Variants in DNAH12 observed in about 807,000 individuals in gnomAD.
DNAH12 encodes the protein axonemal beta dynein heavy chain 12.
DNAH12 carries 285 observed loss-of-function variants against 371.5 expected under a neutral mutation model. That is an observed-to-expected ratio of 0.77 (90% CI 0.70 to 0.85). The LOEUF (loss-of-function observed/expected upper bound fraction) is 0.85. DNAH12 is among the 40% of genes least tolerant of loss of function. DNAH12 has a pLI of 0.00. For synonymous variants in DNAH12, 1,200 were observed against 1,213.0 expected (o/e 0.99, Z 0.22); for missense variants, 3,611 against 3,689.4 (o/e 0.98, Z 0.55).
In DNAH12 at chr3:57,468,923, T is replaced by G; in HGVS notation, c.2162A>C (p.Glu721Ala). ...LNGESMEADVEEFSREIFKTL... is the reference protein window; with the variant it reads ...LNGESMEADVAEFSREIFKTL... Reference sequence around the variant, plus strand: ...CTTAAAAATTTCTCGGGAAAACTCTTCCACATCAGCCTCCATGCTTTCCCC... The same window carrying G: ...CTTAAAAATTTCTCGGGAAAACTCTGCCACATCAGCCTCCATGCTTTCCCC... The change falls in exon 17 of 74, where the codon GAA becomes GCA. Residue 721 changes from glutamate (E) to alanine (A), a missense_variant. By Grantham distance (107) the Glu-to-Ala change is moderately radical. Around this residue, in one of 3 missense-constraint regions of DNAH12, gnomAD observed 1,314 missense variants for 1,398.7 expected, o/e 0.94. Transcript: ENST00000495027. 6.6e-7 allele frequency: 1 copy of G among 1,521,356 alleles called. No homozygotes were observed. Among genetic ancestry groups the G allele is most frequent in the Non-Finnish European group, 8.8e-7 (1 of 1,138,152 alleles). 94.2% of individuals were successfully genotyped at this position (1,521,356 alleles called of 1,614,324 possible).
chr3:57,323,986 G>A (rs1199947216), intron 62 of DNAH12, among the ~76,000 whole-genome samples: 1 of 152,146 alleles, frequency 6.6e-6, no homozygotes, highest in Non-Finnish European at 1.5e-5. Context: ...CAGGTAATGT[G>A]GCCATGTGAC....
In DNAH12 at chr3:57,419,376, G is replaced by A. The variant is rs1298797153; in HGVS notation, c.5705C>T (p.Thr1902Ile). 3.3e-6 allele frequency: 5 copies of A among 1,498,422 alleles called. No individual in the cohort carries two copies. The highest frequency in any genetic ancestry group is 2.6e-5 in the Admixed American group (1 of 38,964). 92.8% of individuals were successfully genotyped at this position (1,498,422 alleles called of 1,614,324 possible). A position where few individuals can be genotyped will look rare whatever the true frequency, so the allele number is the denominator to read the frequency against. Residue 1902 changes from threonine (T) to isoleucine (I), a missense_variant, in exon 37 of 74, where the codon ACC becomes ATC. Physicochemically the swap from Thr to Ile is moderately conservative, Grantham distance 89. Transcript: ENST00000495027. ...TAGCAGAGTTCCTTACTTTGCATAG[G>A]TAATACTCAAATCCATTAGAAACGT... is the stretch of plus-strand genomic sequence containing the variant. ...RYTFLMDLSI[T>I]YAKPLLFVGP... is the part of the protein sequence containing the mutation.
chr3:57,334,978 A>T, intron 60 of DNAH12, 38 bp from the exon 61 acceptor site: 1 of 1,514,056 alleles, frequency 6.6e-7, no homozygotes, highest in Non-Finnish European at 8.8e-7. Context: ...ATAATTGTTG[A>T]TTTTAAAATT....
intron 43 of DNAH12, among the ~76,000 whole-genome samples, chr3:57,398,196 C>T (rs1004549112): frequency 6.6e-6 from 1 of 152,002 alleles, no homozygotes; most frequent in African/African-American, 2.4e-5. Flanking sequence ...CAAGAGTCAA[C>T]CAACTTGAAA....
intron 2 of DNAH12, among the ~76,000 whole-genome samples, chr3:57,530,100 C>T (rs983808022): frequency 1.3e-5 from 2 of 151,996 alleles, no homozygotes; most frequent in South Asian, 2.1e-4. Context: ...AGAGAAGGTG[C>T]TTGATATTAT....
At chr3:57,349,863 T>C (rs552010576) in intron 60 of DNAH12, among the ~76,000 whole-genome samples, 3 of 152,268 alleles carry the variant, frequency 2.0e-5, no homozygotes, top group South Asian at 2.1e-4. Flanking sequence ...AATTTTTTTG[T>C]ATTTTTAGTA....
upstream of DNAH12, among the ~76,000 whole-genome samples, chr3:57,548,301 G>A (rs2069594413): frequency 6.6e-6 from 1 of 152,120 alleles, no homozygotes; most frequent in Non-Finnish European, 1.5e-5. Flanking sequence ...TAGGCTTCCA[G>A]GGGCCATTCT....
intron 29 of DNAH12, among the ~76,000 whole-genome samples, chr3:57,441,790 T>TA (rs1320643560): frequency 2.0e-5 from 3 of 151,622 alleles, no homozygotes; most frequent in Admixed American, 6.6e-5. Flanking sequence ...ACCCTGTCTC[T>TA]AAAAAAAGAA....
intron 52 of DNAH12, among the ~76,000 whole-genome samples, chr3:57,378,107 G>A (rs1407149878): frequency 6.6e-6 from 1 of 152,146 alleles, no homozygotes; most frequent in African/African-American, 2.4e-5. Context: ...TTCTGCTTCT[G>A]ACTTCAGAGA....
intron 25 of DNAH12, among the ~76,000 whole-genome samples, chr3:57,447,495 A>G (rs1023996597): frequency 1.3e-5 from 2 of 152,328 alleles, no homozygotes; most frequent in South Asian, 4.1e-4. Flanking sequence ...TAGGGGGAAT[A>G]AGTGAACTCT....
At chr3:57,315,006 A>T (rs1407281858) in intron 65 of DNAH12, among the ~76,000 whole-genome samples, 2 of 152,204 alleles carry the variant, frequency 1.3e-5, no homozygotes, top group African/African-American at 4.8e-5. Flanking sequence ...CAGGGGAATG[A>T]TTAACCATTA....
intron 42 of DNAH12, 53 bp from the exon 43 acceptor site, chr3:57,403,554 T>C (rs2063934554): frequency 4.9e-6 from 7 of 1,421,656 alleles, no homozygotes; most frequent in Non-Finnish European, 6.6e-6. Context: ...TGTAAATGTA[T>C]AGTTACATGT....
At chr3:57,357,917 G>A (rs1689549618) in intron 58 of DNAH12, among the ~76,000 whole-genome samples, 1 of 152,168 alleles carries the variant, frequency 6.6e-6, no homozygotes, top group African/African-American at 2.4e-5. Flanking sequence ...CTTCTCATAT[G>A]TTTAATTTTC....
At chr3:57,407,837 G>A (rs1217785978) in intron 40 of DNAH12, among the ~76,000 whole-genome samples, 2 of 151,946 alleles carry the variant, frequency 1.3e-5, no homozygotes, top group Non-Finnish European at 2.9e-5. Context: ...TATGTGGTCT[G>A]ACTAAAAGTA....
intron 66 of DNAH12, 28 bp downstream of exon 66, chr3:57,314,466 A>C: frequency 6.4e-7 from 1 of 1,550,622 alleles, no homozygotes; most frequent in Non-Finnish European, 8.7e-7. Context: ...GTGATCCTTC[A>C]TGAATGTTAA....
At chr3:57,503,873 CAA>C (rs2067649677) in intron 9 of DNAH12, 141 bp downstream of exon 9, 10 of 708,020 alleles carry the variant, frequency 1.4e-5, no homozygotes. Flanking sequence ...GCGACTTTTT[CAA>C]AGAGAAAGCA....
At chr3:57,308,198 TAAG>T (rs1405303745) in intron 69 of DNAH12, among the ~76,000 whole-genome samples, 1 of 152,190 alleles carries the variant, frequency 6.6e-6, no homozygotes, top group East Asian at 1.9e-4. Flanking sequence ...CCACAGGGTC[TAAG>T]AAGGCCACCA....
chr3:57,540,300 C>CCACT (rs2069223834), intron 2 of DNAH12, among the ~76,000 whole-genome samples: 1 of 152,104 alleles, frequency 6.6e-6, no homozygotes, highest in Non-Finnish European at 1.5e-5. Context: ...ATTCACCTGC[C>CCACT]TCGGCCTCCC....
intron 65 of DNAH12, among the ~76,000 whole-genome samples, chr3:57,321,245 T>C (rs1223895882): frequency 6.6e-6 from 1 of 152,114 alleles, no homozygotes; most frequent in Non-Finnish European, 1.5e-5. Flanking sequence ...AACCACAAAA[T>C]ATCCTCTCTT....
Sources: gnomAD v4.1 joint callset for allele counts (sites outside exome capture counted in the v4.1 genomes callset) on GRCh38, gnomAD v4.1.1 for gene constraint, gnomAD v4.1.1 regional missense constraint, MANE v1.5 for transcripts, NCBI Gene and HGNC (gene_info 2026-07-23, HGNC 2026-07-21) for gene names.